HEATR4: variants seen among roughly 807,000 people sequenced by gnomAD.
HEATR4 encodes HEAT repeat containing 4.
HEATR4 carries 95 observed loss-of-function variants against 108.8 expected under a neutral mutation model. That is an observed-to-expected ratio of 0.87 (90% confidence interval 0.74 to 1.04). The LOEUF (loss-of-function observed/expected upper bound fraction) is 1.04. HEATR4 is among the 50% of genes least tolerant of loss of function. The pLI, the probability that HEATR4 is intolerant of heterozygous loss-of-function variation, is 0.00. For missense variants in HEATR4, 1,152 were observed against 1,253.8 expected, an observed-to-expected ratio of 0.92 and a Z score of 1.23; for synonymous variants, 443 against 459.4, an observed-to-expected ratio of 0.96 and a Z score of 0.46.
chr14:73,507,703 T>A (rs564786564), intron 9 of HEATR4, among the ~76,000 whole-genome samples: 1 of 152,286 alleles, frequency 6.6e-6, no homozygotes, highest in East Asian at 1.9e-4. Flanking sequence ...CCCAAAGTGC[T>A]GGGATTACAG....
chr14:73,544,925 CA>C (rs200124190), intron 1 of HEATR4, among the ~76,000 whole-genome samples: 13 of 90,592 alleles, frequency 1.4e-4, no homozygotes, highest in African/African-American at 1.1e-4. Flanking sequence ...GATACTGTCT[CA>C]AAAAAAAAAT....
At chr14:73,490,963 C>T in intron 17 of HEATR4, 1 of 1,295,206 alleles carries the variant, frequency 7.7e-7, no homozygotes. Flanking sequence ...CATTCAGGAA[C>T]CGCTTTAGCT....
In HEATR4 at chr14:73,547,094, GA is replaced by G. The variant is rs1450464878; in HGVS notation, c.-152+11656del. Among the ~76,000 whole-genome samples the G allele has an allele frequency of 2.9e-5, 3 of 104,914 alleles. 1 individual carries two copies. The highest frequency in any genetic ancestry group is 6.3e-5 in the Non-Finnish European group (3 of 47,828). The allele number at this position is 104,914 out of a possible 152,430, so 68.8% of individuals were successfully genotyped here. Reference sequence around the variant, plus strand: ...AGAGCAAAACTCCGTCTCAAAAAAAGAAAAAAGACCCGGTGCGGTGGCTTAC... The same window carrying G: ...AGAGCAAAACTCCGTCTCAAAAAAAGAAAAAGACCCGGTGCGGTGGCTTAC... On this transcript the variant is annotated intron_variant, in intron 1 of 17. Transcript: ENST00000553558.
the HEATR4 span, among the ~76,000 whole-genome samples, chr14:73,571,008 G>A: frequency 6.7e-6 from 1 of 148,658 alleles, no homozygotes; most frequent in Non-Finnish European, 1.5e-5. Context: ...AATTCCGACT[G>A]GTTTTCTCAC....
chr14:73,483,711 AGTTATCAAACT>A (rs1333118909), intron 17 of HEATR4, among the ~76,000 whole-genome samples: 1 of 152,198 alleles, frequency 6.6e-6, no homozygotes, highest in Non-Finnish European at 1.5e-5. Context: ...GGATGATGGT[AGTTATCAAACT>A]GTTATGGCAT....
rs1885098464 is a variant in HEATR4 at position 73,478,495 on chromosome 14, A to G, written c.*111T>C. 1 of 753,398 alleles carries G rather than the reference A, an allele frequency of 1.3e-6. No individual in the cohort carries two copies. Among genetic ancestry groups the G allele is most frequent in the Non-Finnish European group, 2.3e-6 (1 of 440,052 alleles). 46.7% of individuals were successfully genotyped at this position (753,398 alleles called of 1,614,324 possible). ...TAAGACATGAGGTCTACTGTTAAAT[A>G]ATTTCTCTTTATAAACATAGTGACA... On this transcript the variant is annotated 3_prime_UTR_variant, in exon 18 of 18. Transcript: ENST00000553558.
chr14:73,603,359 G>A, the HEATR4 span, among the ~76,000 whole-genome samples: 1 of 151,270 alleles, frequency 6.6e-6, no homozygotes, highest in South Asian at 2.1e-4. Flanking sequence ...TTTGTTTTTT[G>A]TTTTTGTTTT....
intron 16 of HEATR4, 196 bp from the exon 17 acceptor site, chr14:73,493,320 C>T (rs757005600): frequency 1.8e-6 from 1 of 560,048 alleles, no homozygotes; most frequent in South Asian, 2.6e-5. Flanking sequence ...ATGGGCGGGT[C>T]GGGGTCAGTA....
At chr14:73,570,642 C>T in the HEATR4 span, among the ~76,000 whole-genome samples, 2 of 152,068 alleles carry the variant, frequency 1.3e-5, no homozygotes, top group East Asian at 3.9e-4. Context: ...CGGTGGCTAA[C>T]GCCTGTAATC....
the HEATR4 span, among the ~76,000 whole-genome samples, chr14:73,579,089 A>C: frequency 6.9e-5 from 10 of 144,100 alleles, no homozygotes; most frequent in East Asian, 2.0e-3. Context: ...TCTCAAAAAA[A>C]AGAAAAAAAA....
intron 17 of HEATR4, among the ~76,000 whole-genome samples, chr14:73,484,127 G>T (rs1300922734): frequency 6.6e-6 from 1 of 152,002 alleles, no homozygotes; most frequent in Non-Finnish European, 1.5e-5. Flanking sequence ...AAAGTGCTGG[G>T]ATTGCAGGCG....
At chr14:73,509,200 C>T (rs1187168579) in intron 8 of HEATR4, 112 bp downstream of exon 8, 3 of 1,062,544 alleles carry the variant, frequency 2.8e-6, no homozygotes, top group South Asian at 1.4e-5. Context: ...AAATCTAAAC[C>T]CAATACAGCA....
At chr14:73,497,631 CCT>C (rs1886183111) in intron 14 of HEATR4, among the ~76,000 whole-genome samples, 1 of 151,876 alleles carries the variant, frequency 6.6e-6, no homozygotes, top group Non-Finnish European at 1.5e-5. Flanking sequence ...TAAAACCCAT[CCT>C]TTTTTTTTTT....
intron 12 of HEATR4, among the ~76,000 whole-genome samples, chr14:73,500,347 A>G (rs971911449): frequency 6.6e-6 from 1 of 151,614 alleles, no homozygotes; most frequent in Admixed American, 6.6e-5. Flanking sequence ...GCCCAAGACA[A>G]TTCTTCCATT....
intron 1 of HEATR4, among the ~76,000 whole-genome samples, chr14:73,538,760 G>C (rs1228260074): frequency 8.8e-6 from 1 of 113,938 alleles, no homozygotes; most frequent in Non-Finnish European, 1.9e-5. Context: ...GGCGGATCAA[G>C]AGTTCGAGAC....
At chr14:73,563,131 C>T (rs894770460), upstream of HEATR4, among the ~76,000 whole-genome samples, 1 of 151,972 alleles carries the variant, frequency 6.6e-6, no homozygotes, top group African/African-American at 2.4e-5. Flanking sequence ...CACGGTCCTA[C>T]CAATATGTGA....
chr14:73,588,873 G>T, the HEATR4 span, among the ~76,000 whole-genome samples: 1 of 151,938 alleles, frequency 6.6e-6, no homozygotes, highest in Non-Finnish European at 1.5e-5. Context: ...AAAGTCTGAT[G>T]CTCTATCAAC....
Position 73,522,268 on chromosome 14 carries a change from A to G in HEATR4, c.881+4T>C. ...AGGTGCACTTGAGGCCCTGGCCAGT[A>G]TACCTGTAGTAAACGGGAAGCAGCA... On this transcript the variant is annotated splice_donor_region_variant and intron_variant, in intron 3 of 17. Coordinates refer to ENST00000553558, the MANE Select transcript of HEATR4 (RefSeq NM_001220484.1). The G allele has an allele frequency of 6.2e-7, 1 of 1,612,974 alleles. No homozygotes were observed. The highest frequency in any genetic ancestry group is 8.5e-7 in the Non-Finnish European group (1 of 1,179,352).
At chr14:73,535,003 G>A (rs1888816546) in intron 1 of HEATR4, among the ~76,000 whole-genome samples, 1 of 113,426 alleles carries the variant, frequency 8.8e-6, no homozygotes, top group African/African-American at 2.9e-5. Context: ...TTGGTAAAAA[G>A]TATATTTATA....
Sources: allele counts gnomAD v4.1 joint callset (sites outside exome capture counted in the v4.1 genomes callset), GRCh38; gene constraint gnomAD v4.1.1; transcripts MANE v1.5; gene names NCBI Gene and HGNC (gene_info 2026-07-23, HGNC 2026-07-21).